RYR1: variants seen among roughly 807,000 people sequenced by gnomAD.
The protein encoded by RYR1 is ryanodine receptor 1.
RYR1 carries 342 observed loss-of-function variants against 583.5 expected under a neutral mutation model. The observed-to-expected ratio is 0.59, with a 90% CI of 0.54 to 0.64. The LOEUF (loss-of-function observed/expected upper bound fraction) is 0.64. Ranked by LOEUF, RYR1 falls within the 30% of genes least tolerant of loss-of-function variation. The pLI, the probability that RYR1 is intolerant of heterozygous loss-of-function variation, is 0.00. For synonymous variants in RYR1, 2,791 were observed against 2,822.5 expected (o/e 0.99, Z 0.35); for missense variants, 6,032 against 6,917.2 (o/e 0.87, Z 4.54).
intron 80 of RYR1, 36 bp from the exon 81 acceptor site, chr19:38,535,280 C>G: frequency 1.9e-6 from 3 of 1,612,746 alleles, no homozygotes; most frequent in Non-Finnish European, 2.5e-6. Flanking sequence ...TCCTGTGTGA[C>G]TCCCAGTTTC....
chr19:38,480,292 A>G (rs1968943333), intron 31 of RYR1, among the ~76,000 whole-genome samples: 1 of 151,556 alleles, frequency 6.6e-6, no homozygotes, highest in Admixed American at 6.6e-5. Flanking sequence ...ACAGGTATGC[A>G]CCACCATGCC....
chr19:38,525,804 C>A (rs1357568375), intron 71 of RYR1, among the ~76,000 whole-genome samples: 3 of 151,718 alleles, frequency 2.0e-5, no homozygotes, highest in African/African-American at 4.8e-5. Context: ...ACTGCCCCCC[C>A]ACCGGACCAT....
intron 31 of RYR1, among the ~76,000 whole-genome samples, chr19:38,481,768 A>G (rs1969021710): frequency 6.6e-6 from 1 of 152,114 alleles, no homozygotes; most frequent in Non-Finnish European, 1.5e-5. Flanking sequence ...CCTGGGTGGC[A>G]GAGCGAGACA....
rs773613214 is a variant in RYR1, at chr19:38,502,503, C to T, written c.7615-4C>T. On this transcript the variant is annotated splice_polypyrimidine_tract_variant and splice_region_variant and intron_variant, in intron 47 of 105. Coordinates refer to ENST00000359596, the MANE Select transcript of RYR1 (RefSeq NM_000540.3). ...GGGCCTGATGTCCTCACCCTGCGCC[C>T]TAGGCCACTTTCAGCACCACCGAGA... 1.8e-5 allele frequency: 28 copies of T among 1,592,376 alleles called. No homozygotes were observed. The highest frequency in any genetic ancestry group is 2.4e-5 in the Non-Finnish European group (28 of 1,173,592).
chr19:38,562,258 G>A (rs1469965345), intron 90 of RYR1, among the ~76,000 whole-genome samples: 1 of 151,876 alleles, frequency 6.6e-6, no homozygotes, highest in Non-Finnish European at 1.5e-5. Context: ...CTCCTCCTAT[G>A]CCCAGCCCAC....
intron 90 of RYR1, among the ~76,000 whole-genome samples, chr19:38,563,485 G>A (rs2145838633): frequency 6.6e-6 from 1 of 152,276 alleles, no homozygotes; most frequent in East Asian, 1.9e-4. Flanking sequence ...GGCTGGTCTT[G>A]AACTCCTGAC....
At chr19:38,557,196 G>A (rs931782797) in intron 89 of RYR1, among the ~76,000 whole-genome samples, 69 of 151,672 alleles carry the variant, frequency 4.5e-4, no homozygotes, top group Admixed American at 1.4e-3. Context: ...TGGGATTATA[G>A]GCATGAGCCA....
Position 38,565,236 on chromosome 19 carries a change from C to G in RYR1, c.12902C>G (p.Ala4301Gly). The G allele has an allele frequency of 2.0e-6, 2 of 989,186 alleles. No homozygotes were observed. Among genetic ancestry groups the G allele is most frequent in the Non-Finnish European group, 2.4e-6 (2 of 834,034 alleles). The allele number at this position is 989,186 out of a possible 1,614,324, so 61.3% of individuals were successfully genotyped here. ...AGATARVVAAAGRALRGLSYR... is the reference protein window; with the variant it reads ...AGATARVVAAGGRALRGLSYR... Reference sequence around the variant, plus strand: ...GCGACGGCGCGGGTTGTGGCGGCCGCAGGCCGGGCCCTGCGAGGCCTCAGC... The same window carrying G: ...GCGACGGCGCGGGTTGTGGCGGCCGGAGGCCGGGCCCTGCGAGGCCTCAGC... The change falls in exon 91 of 106, where the codon GCA becomes GGA. Residue 4301 changes from alanine to glycine, a missense_variant. This residue lies in a region of RYR1 where 753 missense variants were observed against 759.6 expected (regional missense o/e 0.99). Transcript: ENST00000359596. The surrounding 1 kb of genome is among the most constrained non-coding windows in gnomAD (Gnocchi z 4.7).
intron 93 of RYR1, among the ~76,000 whole-genome samples, chr19:38,568,154 T>C (rs1009558084): frequency 6.6e-6 from 1 of 152,148 alleles, no homozygotes; most frequent in African/African-American, 2.4e-5. Context: ...CCAACCTCCA[T>C]ACCTCTGTTC....
chr19:38,496,931 T>C lies in RYR1; in HGVS notation c.6868T>C (p.Leu2290=). 1.2e-6 allele frequency: 2 copies of C among 1,613,548 alleles called. No individual in the cohort carries two copies. The highest frequency in any genetic ancestry group is 1.3e-5 in the African/African-American group (1 of 75,046). ...VIDNNELALA[L]QEQDLEKVVS... ...TGACAACAATGAGCTGGCCTTGGCA[T>C]TGCAGGAGCAGGACCTGGAAAAGGT... Residue 2290 remains leucine, a synonymous_variant, in exon 42 of 106, where the codon TTG becomes CTG. Coordinates refer to ENST00000359596, the MANE Select transcript of RYR1 (RefSeq NM_000540.3). This position sits in a 1 kb window ranked among gnomAD's most constrained non-coding sequence, Gnocchi z 4.8.
chr19:38,450,853 A>G (rs1246686453), intron 11 of RYR1, among the ~76,000 whole-genome samples: 2 of 152,164 alleles, frequency 1.3e-5, no homozygotes, highest in Admixed American at 6.6e-5. Context: ...TACCTTTTCT[A>G]TCGGCACATT....
At chr19:38,515,226 G>A (rs2145673819) in intron 64 of RYR1, 119 bp downstream of exon 64, 1 of 823,166 alleles carries the variant, frequency 1.2e-6, no homozygotes, top group Non-Finnish European at 2.0e-6. Flanking sequence ...CCCGCACACG[G>A]CGGCAGCCGC....
At position 38,496,323 on chromosome 19, in the gene RYR1, G is replaced by C; in HGVS notation, c.6657G>C (p.Glu2219Asp). The change falls in exon 40 of 106, where the codon GAG (glutamate) becomes GAC (aspartate). Residue 2219 changes from glutamate to aspartate, a missense_variant. Around this residue, in one of 11 missense-constraint regions of RYR1, gnomAD observed 2,627 missense variants for 2,961.3 expected, o/e 0.89. Coordinates refer to ENST00000359596, the MANE Select transcript of RYR1 (RefSeq NM_000540.3). The surrounding 1 kb of genome is among the most constrained non-coding windows in gnomAD (Gnocchi z 4.8). Reference protein sequence around the residue: ...EVMVNVLGGGESKEIRFPKMV... With the variant: ...EVMVNVLGGGDSKEIRFPKMV... ...TGGTCAACGTCCTCGGGGGCGGCGA[G>C]TCCAAGGTGAGGGCCCAGGCAGGTG... 1 of 1,614,000 alleles carries C rather than the reference G, an allele frequency of 6.2e-7. No individual in the cohort carries two copies. Among genetic ancestry groups the C allele is most frequent in the Non-Finnish European group, 8.5e-7 (1 of 1,180,036 alleles).
chr19:38,577,946 G>T lies in RYR1; in HGVS notation c.14201G>T (p.Gly4734Val), dbSNP rs193922866. The T allele has an allele frequency of 6.2e-7, 1 of 1,614,114 alleles. No homozygotes were observed. Among genetic ancestry groups the T allele is most frequent in the Non-Finnish European group, 8.5e-7 (1 of 1,180,028 alleles). The change falls in exon 98 of 106, where the codon GGG becomes GTG. Residue 4734 changes from glycine to valine, a missense_variant. Gly to Val is a moderately radical substitution (Grantham distance 109, BLOSUM62 -3). Coordinates refer to ENST00000359596, the MANE Select transcript of RYR1 (RefSeq NM_000540.3). ...CTGGACAAACATGGGGACATCTACGGGCGGGAGCGGATTGCTGAGCTACTG... is the reference window on the plus strand; with the variant it reads ...CTGGACAAACATGGGGACATCTACGTGCGGGAGCGGATTGCTGAGCTACTG... Reference protein sequence around the residue: ...KVLDKHGDIYGRERIAELLGM... With the variant: ...KVLDKHGDIYVRERIAELLGM...
At chr19:38,546,399 G>A in intron 87 of RYR1, 46 bp from the exon 88 acceptor site, 19 of 1,533,758 alleles carry the variant, frequency 1.2e-5, no homozygotes, top group Non-Finnish European at 1.7e-5. Context: ...ACAGAGGTGG[G>A]GGAGGTGTAT....
At chr19:38,492,959 A>G (rs1490708082) in intron 38 of RYR1, among the ~76,000 whole-genome samples, 1 of 152,110 alleles carries the variant, frequency 6.6e-6, no homozygotes, top group Non-Finnish European at 1.5e-5. Context: ...AATCCCAGCT[A>G]CTTGGAGACT....
In RYR1 at chr19:38,492,636, C is replaced by T. The variant is rs772164452; in HGVS notation, c.6274C>T (p.Arg2092Trp). Residue 2092 changes from arginine to tryptophan, a missense_variant and splice_region_variant, in exon 38 of 106, where the codon CGG (arginine) becomes TGG (tryptophan). Coordinates refer to ENST00000359596, the MANE Select transcript of RYR1 (RefSeq NM_000540.3). ...GCGGTCAGCAGAGGAGAGCAAACCC[C>T]GTGAGGACTGGGGTCACTGGGGAGA... ...EERSAEESKP[R>W]SLQELVSHMV... 37 of 1,423,890 alleles carry T rather than the reference C, an allele frequency of 2.6e-5. No individual in the cohort carries two copies. The highest frequency in any genetic ancestry group is 2.1e-4 in the Middle Eastern group (1 of 4,840). The allele number at this position is 1,423,890 out of a possible 1,614,324, so 88.2% of individuals were successfully genotyped here. A position where few individuals can be genotyped will look rare whatever the true frequency, so the allele number is the denominator to read the frequency against.
Position 38,483,443 on chromosome 19 carries a change from G to T in RYR1, c.4861G>T (p.Glu1621Ter). The change falls in exon 33 of 106, where the codon GAG becomes TAG. Residue 1621 changes from glutamate (E) to a stop codon, truncating the protein, a stop_gained. Coordinates refer to ENST00000359596, the MANE Select transcript of RYR1 (RefSeq NM_000540.3). LOFTEE classifies it high-confidence loss of function. This position sits in a 1 kb window ranked among gnomAD's most constrained non-coding sequence, Gnocchi z 6.3. ...GCAGGTGGAGACGAGGCGTGCCGGC[G>T]AGCGGCTGGGCTGGGCCGTGCAGTG... ...FLQVETRRAG[E>*]RLGWAVQCQE... 1 of 1,573,212 alleles carries T rather than the reference G, an allele frequency of 6.4e-7. No individual in the cohort carries two copies. Among genetic ancestry groups the T allele is most frequent in the Admixed American group, 1.9e-5 (1 of 53,880 alleles).
intron 97 of RYR1, among the ~76,000 whole-genome samples, chr19:38,576,353 G>A (rs572447270): frequency 1.3e-5 from 2 of 152,288 alleles, no homozygotes; most frequent in Admixed American, 1.3e-4. Flanking sequence ...AGGAGGCTGA[G>A]GTGGGAGGAT....
Sources: gnomAD v4.1 joint callset for allele counts (sites outside exome capture counted in the v4.1 genomes callset) on GRCh38, gnomAD v4.1.1 for gene constraint, gnomAD v4.1.1 regional missense constraint, Gnocchi (gnomAD v3.1) non-coding constraint, MANE v1.5 for transcripts, NCBI Gene and HGNC (gene_info 2026-07-23, HGNC 2026-07-21) for gene names.